The following HIPK3 variants were observed in gnomAD, a reference collection of about 807,000 sequenced individuals.
The protein encoded by HIPK3 is homeodomain interacting protein kinase 3.
HIPK3 carries 47 observed loss-of-function variants against 124.2 expected under a neutral mutation model. That is an observed-to-expected ratio of 0.38 (90% confidence interval 0.30 to 0.48). HIPK3 has a LOEUF of 0.48. HIPK3 is among the 20% of genes least tolerant of loss of function. The pLI is 0.98. For synonymous variants in HIPK3, 482 were observed against 515.2 expected (o/e 0.94, Z 0.87); for missense variants, 1,286 against 1,454.3 (o/e 0.88, Z 1.88).
At position 33,304,274 on chromosome 11, in the gene HIPK3, G is replaced by A. The variant is rs371150300; in HGVS notation, c.1097+16763G>A. ...TTTTTAAATTAAAAAAGTAATGGAA[G>A]CGGGCAGGCGCAGTGGCTCATGCCT... On this transcript the variant is annotated intron_variant, in intron 2 of 16. Coordinates refer to ENST00000303296, the MANE Select transcript of HIPK3 (RefSeq NM_005734.5). Among the ~76,000 whole-genome samples, 67 of 152,286 alleles carry A rather than the reference G, an allele frequency of 4.4e-4. 1 individual carries two copies. In the East Asian group the frequency reaches 9.9e-3, roughly 22 times the overall value.
intron 1 of HIPK3, among the ~76,000 whole-genome samples, chr11:33,282,790 G>A (rs1480665492): frequency 6.6e-6 from 1 of 152,074 alleles, no homozygotes; most frequent in Non-Finnish European, 1.5e-5. Flanking sequence ...TTAAATTATC[G>A]AGTAGGGTGT....
At chr11:33,296,713 T>C (rs1851850829) in intron 2 of HIPK3, among the ~76,000 whole-genome samples, 1 of 152,214 alleles carries the variant, frequency 6.6e-6, no homozygotes, top group Non-Finnish European at 1.5e-5. Flanking sequence ...CTATATAAGA[T>C]GGTGAACGTA....
chr11:33,319,180 G>A (rs1315340475), intron 2 of HIPK3, among the ~76,000 whole-genome samples: 1 of 152,184 alleles, frequency 6.6e-6, no homozygotes, highest in Non-Finnish European at 1.5e-5. Context: ...TTGGGTAGAA[G>A]AACAATGCAG....
At chr11:33,338,138 A>G (rs1036496654) in intron 4 of HIPK3, among the ~76,000 whole-genome samples, 1 of 152,240 alleles carries the variant, frequency 6.6e-6, no homozygotes, top group African/African-American at 2.4e-5. Context: ...TTTATAGGAC[A>G]GGGAATGAAT....
intron 1 of HIPK3, among the ~76,000 whole-genome samples, chr11:33,274,412 G>A (rs940292895): frequency 2.0e-5 from 3 of 152,020 alleles, no homozygotes; most frequent in African/African-American, 7.2e-5. Flanking sequence ...AATACATTTG[G>A]CTTTCTATTA....
intron 3 of HIPK3, among the ~76,000 whole-genome samples, chr11:33,329,794 C>G (rs1013035823): frequency 6.6e-6 from 1 of 152,122 alleles, no homozygotes; most frequent in Non-Finnish European, 1.5e-5. Flanking sequence ...CAGTTCTGAA[C>G]GAGTTAGTAA....
chr11:33,353,081 T>TTTTTGGATAGG lies in HIPK3; in HGVS notation c.3172-9_3172-8insTTGGATAGGTT. ...GTTATTCAGTCATTTTTTTTTTTTC[T>TTTTTGGATAGG]TTGTGGATAGGTTCAGCACTTTGGA... is the stretch of plus-strand genomic sequence containing the variant. On this transcript the variant is annotated splice_polypyrimidine_tract_variant and intron_variant, in intron 16 of 16. Coordinates refer to ENST00000303296, the MANE Select transcript of HIPK3 (RefSeq NM_005734.5). 6.6e-7 allele frequency: 1 copy of TTTTTGGATAGG among 1,520,494 alleles called. No homozygotes were observed. Among genetic ancestry groups the TTTTTGGATAGG allele is most frequent in the Admixed American group, 2.1e-5 (1 of 48,356 alleles). The allele number at this position is 1,520,494 out of a possible 1,614,324, so 94.2% of individuals were successfully genotyped here.
intron 2 of HIPK3, among the ~76,000 whole-genome samples, chr11:33,310,261 TGTC>T (rs1434608515): frequency 6.8e-4 from 74 of 108,232 alleles, no homozygotes; most frequent in African/African-American, 2.1e-3. Flanking sequence ...TCTGTCTGTC[TGTC>T]TGTCTGTCTG....
chr11:33,328,457 A>C, intron 2 of HIPK3, 53 bp from the exon 3 acceptor site: 1 of 1,564,076 alleles, frequency 6.4e-7, no homozygotes, highest in Non-Finnish European at 8.8e-7. Flanking sequence ...AGTTGAAATT[A>C]GGTAATTTTA....
At chr11:33,273,096 T>G (rs1370065878) in intron 1 of HIPK3, among the ~76,000 whole-genome samples, 2 of 151,764 alleles carry the variant, frequency 1.3e-5, no homozygotes, top group African/African-American at 4.8e-5. Flanking sequence ...CGCCTCCCTA[T>G]TGTTTCCGAC....
At chr11:33,292,922 A>G (rs1172014530) in intron 2 of HIPK3, among the ~76,000 whole-genome samples, 1 of 152,116 alleles carries the variant, frequency 6.6e-6, no homozygotes, top group Non-Finnish European at 1.5e-5. Flanking sequence ...TATTTTTGGT[A>G]GAGACGGGAT....
intron 2 of HIPK3, among the ~76,000 whole-genome samples, chr11:33,290,796 A>G (rs1190196889): frequency 6.6e-6 from 1 of 152,144 alleles, no homozygotes; most frequent in Non-Finnish European, 1.5e-5. Context: ...TTGTATTAGG[A>G]ATGAACAAAT....
At chr11:33,346,285 C>T (rs1437766041) in intron 8 of HIPK3, among the ~76,000 whole-genome samples, 1 of 152,020 alleles carries the variant, frequency 6.6e-6, no homozygotes, top group South Asian at 2.1e-4. Flanking sequence ...TCTAATTTTC[C>T]TAGTGGGCAA....
chr11:33,314,196 C>T (rs1408368185), intron 2 of HIPK3, among the ~76,000 whole-genome samples: 1 of 152,170 alleles, frequency 6.6e-6, no homozygotes, highest in East Asian at 1.9e-4. Context: ...GACTGTCACT[C>T]AGACTGCATA....
intron 2 of HIPK3, among the ~76,000 whole-genome samples, chr11:33,324,298 T>TG (rs1852747322): frequency 6.6e-6 from 1 of 152,156 alleles, no homozygotes; most frequent in Admixed American, 6.5e-5. Flanking sequence ...TCTCTGGCAG[T>TG]TTCATCTAGA....
chr11:33,294,326 G>T (rs140124928), intron 2 of HIPK3, among the ~76,000 whole-genome samples: 2 of 151,964 alleles, frequency 1.3e-5, no homozygotes, highest in Non-Finnish European at 2.9e-5. Context: ...AAGGATTCCT[G>T]TTATCCTTCA....
chr11:33,282,664 T>C (rs1210358774), intron 1 of HIPK3, among the ~76,000 whole-genome samples: 5 of 150,548 alleles, frequency 3.3e-5, no homozygotes, highest in Non-Finnish European at 7.4e-5. Flanking sequence ...GCCTGGGCAA[T>C]AGAGCGAGAC....
At chr11:33,306,532 A>G (rs1852165731) in intron 2 of HIPK3, among the ~76,000 whole-genome samples, 1 of 152,190 alleles carries the variant, frequency 6.6e-6, no homozygotes, top group African/African-American at 2.4e-5. Flanking sequence ...AGTCCTAAAT[A>G]TTAAGTAACT....
intron 2 of HIPK3, among the ~76,000 whole-genome samples, chr11:33,293,502 A>G (rs369961245): frequency 6.6e-5 from 10 of 152,190 alleles, no homozygotes; most frequent in South Asian, 6.2e-4. Context: ...GACATGTCAT[A>G]TACATGTAAC....
Sources: allele counts gnomAD v4.1 joint callset (sites outside exome capture counted in the v4.1 genomes callset), GRCh38; gene constraint gnomAD v4.1.1; transcripts MANE v1.5; gene names NCBI Gene and HGNC (gene_info 2026-07-23, HGNC 2026-07-21).